The following LHX8 variants were observed in gnomAD, a reference collection of about 807,000 sequenced individuals.
LHX8 encodes LIM/homeobox protein Lhx8.
A neutral mutation model predicts 40.3 loss-of-function variants in LHX8; 12 were observed. The observed-to-expected ratio is 0.30, with a 90% CI of 0.19 to 0.48. The LOEUF is 0.48. LHX8 is among the 20% of genes least tolerant of loss of function. The probability of loss-of-function intolerance (pLI) is 0.99; values close to 1 mark genes in which losing one functional copy is unlikely to be tolerated. For synonymous variants in LHX8, 179 were observed against 162.0 expected (o/e 1.10, Z -0.80); for missense variants, 344 against 433.7 (o/e 0.79, Z 1.84).
At chr1:75,153,238 T>C (rs1267440817) in intron 7 of LHX8, among the ~76,000 whole-genome samples, 1 of 152,162 alleles carries the variant, frequency 6.6e-6, no homozygotes, top group Non-Finnish European at 1.5e-5. Flanking sequence ...TCTGAGTAGC[T>C]GGGACTACAG....
chr1:75,196,904 T>G, the LHX8 span, among the ~76,000 whole-genome samples: 4 of 152,130 alleles, frequency 2.6e-5, no homozygotes, highest in African/African-American at 7.2e-5. Flanking sequence ...TGCCTACATG[T>G]GCTTTTAAGT....
intron 7 of LHX8, among the ~76,000 whole-genome samples, chr1:75,152,040 G>T (rs1648626501): frequency 6.6e-6 from 1 of 152,130 alleles, no homozygotes; most frequent in South Asian, 2.1e-4. Context: ...TTTATTATTT[G>T]TATCTATACA....
the LHX8 span, among the ~76,000 whole-genome samples, chr1:75,194,784 T>C: frequency 1.3e-5 from 2 of 152,164 alleles, no homozygotes; most frequent in East Asian, 1.9e-4. Context: ...TCCTTAATGC[T>C]TGTTGATGAG....
Position 75,136,637 on chromosome 1 carries a change from C to T in LHX8, c.23C>T (p.Thr8Ile). Residue 8 changes from threonine to isoleucine, a missense_variant, in exon 2 of 9, where the codon ACT becomes ATT. This residue lies in a region of LHX8 where 108 missense variants were observed against 90.1 expected (regional missense o/e 1.20). Coordinates refer to ENST00000356261, the MANE Select transcript of LHX8 (RefSeq NM_001256114.2). ...CTCATGTCAGAGGAGTGCGGGCGGACTACAGCCCTGGCGGCCGGGAGGACT... is the reference window on the plus strand; with the variant it reads ...CTCATGTCAGAGGAGTGCGGGCGGATTACAGCCCTGGCGGCCGGGAGGACT... MSEECGRTTALAAGRTRK... is the reference protein window; with the variant it reads MSEECGRITALAAGRTRK... 6.5e-7 allele frequency: 1 copy of T among 1,549,830 alleles called. No homozygotes were observed. Among genetic ancestry groups the T allele is most frequent in the East Asian group, 2.4e-5 (1 of 40,878 alleles).
chr1:75,181,018 C>T, the LHX8 span, among the ~76,000 whole-genome samples: 18 of 132,770 alleles, frequency 1.4e-4, no homozygotes, highest in East Asian at 5.9e-4. Flanking sequence ...GTATCACCAG[C>T]GTAGGTGCAA....
At chr1:75,184,420 C>T in the LHX8 span, among the ~76,000 whole-genome samples, 1 of 152,166 alleles carries the variant, frequency 6.6e-6, no homozygotes, top group Admixed American at 6.6e-5. Context: ...ACCAAACACA[C>T]TTTCAAACCA....
At chr1:75,152,916 G>C (rs945964314) in intron 7 of LHX8, among the ~76,000 whole-genome samples, 2 of 151,974 alleles carry the variant, frequency 1.3e-5, no homozygotes, top group Non-Finnish European at 2.9e-5. Context: ...TCATTTTTAA[G>C]ACCGTATGTT....
the LHX8 span, among the ~76,000 whole-genome samples, chr1:75,174,076 A>T: frequency 6.6e-6 from 1 of 151,990 alleles, no homozygotes; most frequent in Non-Finnish European, 1.5e-5. Flanking sequence ...AGCATTTTGG[A>T]TAAGGGATGT....
intron 7 of LHX8, among the ~76,000 whole-genome samples, chr1:75,153,806 CTTTAA>C (rs1266467079): frequency 6.6e-6 from 1 of 152,174 alleles, no homozygotes; most frequent in East Asian, 1.9e-4. Context: ...TACGCCTAAA[CTTTAA>C]TTTATCTGGC....
At chr1:75,194,478 G>A in the LHX8 span, among the ~76,000 whole-genome samples, 6 of 152,158 alleles carry the variant, frequency 3.9e-5, no homozygotes, top group South Asian at 8.3e-4. Flanking sequence ...GGCAAACACC[G>A]TGAGGATTTA....
At chr1:75,179,296 T>G in the LHX8 span, among the ~76,000 whole-genome samples, 5 of 152,260 alleles carry the variant, frequency 3.3e-5, no homozygotes, top group Admixed American at 3.3e-4. Context: ...ATTTTTATTG[T>G]GTGGGAGTCT....
intron 6 of LHX8, among the ~76,000 whole-genome samples, chr1:75,147,486 C>G (rs1352312525): frequency 6.6e-6 from 1 of 152,200 alleles, no homozygotes; most frequent in Admixed American, 6.5e-5. Flanking sequence ...AATTATTTAG[C>G]TACCCTGTGA....
the LHX8 span, among the ~76,000 whole-genome samples, chr1:75,198,867 AAAAAG>A: frequency 6.2e-3 from 943 of 152,368 alleles, 12 homozygotes; most frequent in African/African-American, 0.021. Context: ...GGAAGATCTG[AAAAAG>A]AATCCATCTT....
At chr1:75,151,214 T>A (rs563784951) in intron 7 of LHX8, among the ~76,000 whole-genome samples, 2 of 152,348 alleles carry the variant, frequency 1.3e-5, no homozygotes, top group South Asian at 4.1e-4. Context: ...CTGATGATAC[T>A]GCAGCTTCTC....
At chr1:75,138,436 G>A (rs35453094) in intron 3 of LHX8, among the ~76,000 whole-genome samples, 32,998 of 152,106 alleles carry the variant, frequency 0.22, 4,298 homozygotes, top group Middle Eastern at 0.34. Context: ...GCCAGAAGAA[G>A]TTTTGGTAAA....
the LHX8 span, among the ~76,000 whole-genome samples, chr1:75,179,278 A>T: frequency 6.6e-6 from 1 of 152,088 alleles, no homozygotes; most frequent in Non-Finnish European, 1.5e-5. Flanking sequence ...GGTGTGTTAA[A>T]GTCTCCCATT....
chr1:75,144,988 C>T (rs1394728071), intron 6 of LHX8, among the ~76,000 whole-genome samples: 11 of 151,988 alleles, frequency 7.2e-5, no homozygotes, highest in Non-Finnish European at 4.4e-5. Flanking sequence ...ACACATATTC[C>T]AAGGGAACGT....
At chr1:75,173,352 G>A in the LHX8 span, among the ~76,000 whole-genome samples, 7 of 146,242 alleles carry the variant, frequency 4.8e-5, no homozygotes, top group African/African-American at 1.8e-4. Flanking sequence ...AATCCAGGTG[G>A]TTTAGCTTCA....
chr1:75,136,486 C>T, intron 1 of LHX8, 117 bp from the exon 2 acceptor site: 1 of 751,208 alleles, frequency 1.3e-6, no homozygotes, highest in Non-Finnish European at 2.2e-6. Context: ...GCTGCACGCG[C>T]TGCCCCGCAC....
Sources: gnomAD v4.1 joint callset for allele counts (sites outside exome capture counted in the v4.1 genomes callset) on GRCh38, gnomAD v4.1.1 for gene constraint, gnomAD v4.1.1 regional missense constraint, MANE v1.5 for transcripts, NCBI Gene and HGNC (gene_info 2026-07-23, HGNC 2026-07-21) for gene names.